The following PKIB variants were observed in gnomAD, a reference collection of about 807,000 sequenced individuals.
The protein encoded by PKIB is PKI-beta.
Under a neutral mutation model 4.5 loss-of-function variants are expected in PKIB, and 2 were observed. The ratio of observed to expected loss-of-function variants is 0.44; its 90% CI spans 0.18 to 1.39. PKIB has a LOEUF of 1.39. Ranked by LOEUF, PKIB falls within the 40% of genes most tolerant of loss-of-function variation. PKIB has a pLI of 0.27. For missense variants in PKIB, 94 were observed against 92.6 expected (o/e 1.02, Z -0.06); for synonymous variants, 38 against 36.0 (o/e 1.06, Z -0.20).
intron 2 of PKIB, among the ~76,000 whole-genome samples, chr6:122,573,408 G>T (rs1179836670): frequency 6.6e-6 from 1 of 151,608 alleles, no homozygotes; most frequent in Non-Finnish European, 1.5e-5. Context: ...TGTTCTCCCA[G>T]GTACTCGCGA....
intron 2 of PKIB, among the ~76,000 whole-genome samples, chr6:122,637,299 A>G (rs77615050): frequency 0.012 from 1,789 of 152,310 alleles, 21 homozygotes; most frequent in Non-Finnish European, 0.018. Context: ...AAATGGAATT[A>G]ATGAATCAAT....
At chr6:122,545,517 G>C (rs992887327) in intron 2 of PKIB, among the ~76,000 whole-genome samples, 1 of 151,216 alleles carries the variant, frequency 6.6e-6, no homozygotes, top group Non-Finnish European at 1.5e-5. Context: ...GCAGGGGCTT[G>C]GTGTACAGAT....
rs1270637464 is a variant in PKIB, at chr6:122,696,149, A to G, written c.-9+21005A>G. Among the ~76,000 whole-genome samples the G allele has an allele frequency of 3.3e-5, 5 of 152,250 alleles. No individual in the cohort carries two copies. In the South Asian group the frequency reaches 6.2e-4, roughly 19 times the overall value. ...TTTTTTAAAATCTAAACAAAGAGCC[A>G]TAGTCTTGAAAGTCAGCATTATTTA... On this transcript the variant is annotated intron_variant, in intron 3 of 4. Transcript: ENST00000368452.
At chr6:122,527,257 CCTTT>C (rs1428396086) in intron 2 of PKIB, among the ~76,000 whole-genome samples, 1 of 151,984 alleles carries the variant, frequency 6.6e-6, no homozygotes, top group African/African-American at 2.4e-5. Context: ...AGGCTGTTTT[CCTTT>C]CTTATTATTC....
intron 2 of PKIB, among the ~76,000 whole-genome samples, chr6:122,671,324 T>C (rs1379660017): frequency 6.6e-6 from 1 of 152,038 alleles, no homozygotes; most frequent in Non-Finnish European, 1.5e-5. Context: ...GAAGTATCTA[T>C]AACTAGATTT....
chr6:122,708,814 A>G (rs983229596), intron 3 of PKIB, among the ~76,000 whole-genome samples: 25 of 151,974 alleles, frequency 1.6e-4, no homozygotes, highest in Admixed American at 1.3e-4. Context: ...TTGTATTTTT[A>G]GTAGATACTG....
At chr6:122,660,669 G>C (rs2114911474) in intron 2 of PKIB, among the ~76,000 whole-genome samples, 1 of 152,214 alleles carries the variant, frequency 6.6e-6, no homozygotes, top group South Asian at 2.1e-4. Context: ...AATACAAGGA[G>C]GTAGTTCCCC....
At chr6:122,699,939 G>A (rs1778729949) in intron 3 of PKIB, among the ~76,000 whole-genome samples, 1 of 152,096 alleles carries the variant, frequency 6.6e-6, no homozygotes, top group Non-Finnish European at 1.5e-5. Flanking sequence ...GGGATACCAT[G>A]TTTAAATTTA....
At chr6:122,659,124 A>G (rs1429333101) in intron 2 of PKIB, among the ~76,000 whole-genome samples, 2 of 152,154 alleles carry the variant, frequency 1.3e-5, no homozygotes, top group South Asian at 2.1e-4. Context: ...GAATGCTTCT[A>G]AACACTTTAA....
intron 2 of PKIB, among the ~76,000 whole-genome samples, chr6:122,546,610 A>C (rs1269106801): frequency 3.3e-5 from 5 of 152,148 alleles, no homozygotes; most frequent in Non-Finnish European, 7.3e-5. Context: ...TAAACTGTAT[A>C]TAAAAGCCAT....
intron 3 of PKIB, among the ~76,000 whole-genome samples, chr6:122,691,020 G>A (rs1348959455): frequency 1.3e-5 from 2 of 148,362 alleles, no homozygotes; most frequent in African/African-American, 2.5e-5. Flanking sequence ...ACTCTCTCCC[G>A]GCCCTAAATT....
At chr6:122,474,458 C>G (rs1775400597) in intron 1 of PKIB, among the ~76,000 whole-genome samples, 1 of 152,064 alleles carries the variant, frequency 6.6e-6, no homozygotes, top group South Asian at 2.1e-4. Flanking sequence ...TTAAGAAATA[C>G]TGATGGAGGG....
chr6:122,688,197 C>T (rs1172779634), intron 3 of PKIB, among the ~76,000 whole-genome samples: 1 of 152,096 alleles, frequency 6.6e-6, no homozygotes, highest in African/African-American at 2.4e-5. Flanking sequence ...TTTTCAGCAT[C>T]AATTGAAATG....
chr6:122,583,258 G>T (rs948614169), intron 2 of PKIB, among the ~76,000 whole-genome samples: 2 of 151,980 alleles, frequency 1.3e-5, no homozygotes, highest in African/African-American at 2.4e-5. Flanking sequence ...GCCTTAAACA[G>T]AAATCTTAAT....
chr6:122,484,226 C>T (rs1775703317), intron 2 of PKIB: 1 of 151,494 alleles, frequency 6.6e-6, no homozygotes, highest in Non-Finnish European at 1.5e-5. Flanking sequence ...TATTCATATA[C>T]TTTTAAATAC....
intron 3 of PKIB, among the ~76,000 whole-genome samples, chr6:122,684,755 T>C (rs1778032041): frequency 6.6e-6 from 1 of 152,170 alleles, no homozygotes; most frequent in Admixed American, 6.5e-5. Flanking sequence ...AAATTTCTTC[T>C]AGCTCCAAAA....
intron 2 of PKIB, among the ~76,000 whole-genome samples, chr6:122,484,713 C>A (rs1057071036): frequency 6.6e-6 from 1 of 152,024 alleles, no homozygotes; most frequent in African/African-American, 2.4e-5. Flanking sequence ...TGATCTCAAA[C>A]CCTGAAACAA....
intron 3 of PKIB, among the ~76,000 whole-genome samples, chr6:122,599,102 G>T (rs1194075183): frequency 1.3e-5 from 2 of 152,104 alleles, no homozygotes; most frequent in Non-Finnish European, 2.9e-5. Flanking sequence ...GGTGTTGGGG[G>T]TGGCTTCTGA....
At chr6:122,580,492 A>G (rs944870281) in intron 2 of PKIB, among the ~76,000 whole-genome samples, 10 of 151,994 alleles carry the variant, frequency 6.6e-5, no homozygotes, top group African/African-American at 1.9e-4. Flanking sequence ...GCTTTTTCTC[A>G]TTCTCTTCTT....
Sources: gnomAD v4.1 joint callset for allele counts (sites outside exome capture counted in the v4.1 genomes callset) on GRCh38, gnomAD v4.1.1 for gene constraint, MANE v1.5 for transcripts, NCBI Gene and HGNC (gene_info 2026-07-23, HGNC 2026-07-21) for gene names.